Variants in RAB3IL1 observed in about 807,000 individuals in gnomAD.
RAB3IL1 encodes the protein guanine nucleotide exchange factor for Rab-3A.
Under a neutral mutation model 49.2 loss-of-function variants are expected in RAB3IL1, and 37 were observed. The ratio of observed to expected loss-of-function variants is 0.75; its 90% confidence interval spans 0.58 to 0.99. The LOEUF is 0.99. Among genes scored for constraint, RAB3IL1 ranks in the 50% least tolerant of loss-of-function variants. The pLI is 0.00. For missense variants in RAB3IL1, 484 were observed against 513.0 expected (o/e 0.94, Z 0.55); for synonymous variants, 193 against 213.9 (o/e 0.90, Z 0.85).
At chr11:61,909,425 C>T (rs61898564) in intron 1 of RAB3IL1, among the ~76,000 whole-genome samples, 7,656 of 152,200 alleles carry the variant, frequency 0.05, 305 homozygotes, top group Non-Finnish European at 0.057. Context: ...TTGGTTAACA[C>T]ACAGAAAATG....
At chr11:61,944,170 C>T in the RAB3IL1 span, among the ~76,000 whole-genome samples, 1 of 151,400 alleles carries the variant, frequency 6.6e-6, no homozygotes, top group Non-Finnish European at 1.5e-5. Context: ...ATGGAGTCCT[C>T]CCTACCTCCT....
rs773889636 is a variant in RAB3IL1, at chr11:61,902,476, C to G, written c.965G>C (p.Ser322Thr). The G allele has an allele frequency of 6.9e-6, 11 of 1,602,160 alleles. No homozygotes were observed. Among genetic ancestry groups the G allele is most frequent in the Non-Finnish European group, 8.5e-6 (10 of 1,176,110 alleles). The part of the protein sequence containing the change: ...RHRIRLGDSK[S>T]HYYISPSSRA... ...GGAAGATGGCGAGATGTAGTAATGGCTTTTGGAGTCCCCGAGCCGGATTCG... is the reference window on the plus strand; with the variant it reads ...GGAAGATGGCGAGATGTAGTAATGGGTTTTGGAGTCCCCGAGCCGGATTCG... The change falls in exon 8 of 10, where the codon AGC becomes ACC. Residue 322 changes from serine (S) to threonine (T), a missense_variant. Physicochemically the swap from Ser to Thr is moderately conservative, Grantham distance 58. Coordinates refer to ENST00000394836, the MANE Select transcript of RAB3IL1 (RefSeq NM_013401.4).
intron 5 of RAB3IL1, 151 bp from the exon 6 acceptor site, chr11:61,905,033 G>A (rs1428566164): frequency 9.5e-6 from 6 of 633,196 alleles, no homozygotes; most frequent in Non-Finnish European, 1.4e-5. Flanking sequence ...GGGAAGCCAA[G>A]TCCAGCAGCA....
the RAB3IL1 span, among the ~76,000 whole-genome samples, chr11:61,934,976 C>T: frequency 2.0e-5 from 3 of 152,132 alleles, no homozygotes; most frequent in African/African-American, 7.2e-5. Flanking sequence ...ACAAGTACTA[C>T]AAGCCTCAAT....
chr11:61,900,618 G>T (rs1044952951), intron 8 of RAB3IL1, among the ~76,000 whole-genome samples: 3 of 152,296 alleles, frequency 2.0e-5, no homozygotes, highest in African/African-American at 7.2e-5. Context: ...TGCCCACAGA[G>T]GCTCATGAGC....
intron 8 of RAB3IL1, among the ~76,000 whole-genome samples, chr11:61,901,695 C>A (rs1277070146): frequency 3.3e-5 from 5 of 152,188 alleles, no homozygotes. Flanking sequence ...GAGGGTGTCC[C>A]CTTGCCAGCA....
the RAB3IL1 span, among the ~76,000 whole-genome samples, chr11:61,926,712 C>A: frequency 6.6e-6 from 1 of 151,820 alleles, no homozygotes; most frequent in Non-Finnish European, 1.5e-5. Context: ...CGCCACCATG[C>A]CTGGCTAAAT....
the RAB3IL1 span, among the ~76,000 whole-genome samples, chr11:61,936,483 C>T: frequency 1.3e-5 from 2 of 152,324 alleles, no homozygotes; most frequent in South Asian, 4.1e-4. Flanking sequence ...CTCACTGTAA[C>T]ATCTGCCTCC....
the RAB3IL1 span, among the ~76,000 whole-genome samples, chr11:61,942,267 G>C: frequency 1.3e-5 from 2 of 152,132 alleles, no homozygotes; most frequent in African/African-American, 4.8e-5. Flanking sequence ...CAGCATGATC[G>C]TTAAGAGTCA....
At chr11:61,928,704 T>C in the RAB3IL1 span, among the ~76,000 whole-genome samples, 1 of 152,216 alleles carries the variant, frequency 6.6e-6, no homozygotes, top group Non-Finnish European at 1.5e-5. Flanking sequence ...GGCTGAAGTG[T>C]TTCATGTTGG....
chr11:61,913,635 C>A (rs1292526579), intron 1 of RAB3IL1, among the ~76,000 whole-genome samples: 3 of 152,140 alleles, frequency 2.0e-5, no homozygotes. Flanking sequence ...CAGGGCTGGG[C>A]ACGCAGTACA....
chr11:61,944,238 C>CCTTCCTTCCTTCCTTCCTTCCTTT, the RAB3IL1 span, among the ~76,000 whole-genome samples: 108 of 142,030 alleles, frequency 7.6e-4, 1 homozygote, highest in South Asian at 3.7e-3. Context: ...TTCCTTCCTT[C>CCTTCCTTCCTTCCTTCCTTCCTTT]CTTCCTTCCT....
At chr11:61,941,419 T>C in the RAB3IL1 span, among the ~76,000 whole-genome samples, 2 of 152,178 alleles carry the variant, frequency 1.3e-5, no homozygotes, top group Admixed American at 1.3e-4. Context: ...GCCAGTATTA[T>C]CCTAAAACTA....
intron 1 of RAB3IL1, among the ~76,000 whole-genome samples, chr11:61,916,849 G>T (rs377506343): frequency 6.6e-6 from 1 of 152,014 alleles, no homozygotes; most frequent in Non-Finnish European, 1.5e-5. Context: ...GGGCGGGGGG[G>T]GTTCCCACTC....
chr11:61,921,565 A>G (rs1295920171), upstream of RAB3IL1, among the ~76,000 whole-genome samples: 2 of 152,136 alleles, frequency 1.3e-5, no homozygotes, highest in African/African-American at 4.8e-5. Flanking sequence ...CAGGCACCAG[A>G]GCCCTTAGAC....
At chr11:61,913,584 A>G (rs1939555322) in intron 1 of RAB3IL1, among the ~76,000 whole-genome samples, 1 of 152,174 alleles carries the variant, frequency 6.6e-6, no homozygotes, top group Non-Finnish European at 1.5e-5. Context: ...CATGGGAGCC[A>G]GCACAGGGCC....
At chr11:61,944,628 T>A in the RAB3IL1 span, among the ~76,000 whole-genome samples, 1 of 152,196 alleles carries the variant, frequency 6.6e-6, no homozygotes, top group Non-Finnish European at 1.5e-5. Context: ...CTAAAAATTA[T>A]TCACTTTTCT....
chr11:61,934,418 A>G, the RAB3IL1 span, among the ~76,000 whole-genome samples: 1 of 88,746 alleles, frequency 1.1e-5, no homozygotes, highest in African/African-American at 4.2e-5. Flanking sequence ...ATATACATAT[A>G]TATGTGTATG....
At chr11:61,941,798 T>C in the RAB3IL1 span, among the ~76,000 whole-genome samples, 32 of 152,074 alleles carry the variant, frequency 2.1e-4, no homozygotes, top group African/African-American at 7.7e-4. Context: ...TGAATATAGA[T>C]GCAAATATCC....
Sources: gnomAD v4.1 joint callset for allele counts (sites outside exome capture counted in the v4.1 genomes callset) on GRCh38, gnomAD v4.1.1 for gene constraint, MANE v1.5 for transcripts, NCBI Gene and HGNC (gene_info 2026-07-23, HGNC 2026-07-21) for gene names.